The following ANO7 variants were observed in gnomAD, a reference collection of about 807,000 sequenced individuals.
ANO7 encodes anoctamin 7.
A neutral mutation model predicts 115.8 loss-of-function variants in ANO7; 114 were observed. The ratio of observed to expected loss-of-function variants is 0.98; its 90% confidence interval spans 0.85 to 1.15. The LOEUF is 1.15. ANO7 is among the 50% of genes most tolerant of loss of function. ANO7 has a pLI of 0.00. For missense variants in ANO7, 1,302 were observed against 1,201.2 expected (o/e 1.08, Z -1.24); for synonymous variants, 550 against 498.2 (o/e 1.10, Z -1.38).
downstream of ANO7, chr2:241,229,571 G>A: frequency 1.3e-6 from 2 of 1,555,454 alleles, no homozygotes; most frequent in Non-Finnish European, 1.8e-6. Flanking sequence ...TGGGTCAGCA[G>A]GCTGGAGAGG....
At chr2:241,216,441 T>C (rs1482789289) in intron 19 of ANO7, among the ~76,000 whole-genome samples, 1 of 152,220 alleles carries the variant, frequency 6.6e-6, no homozygotes, top group African/African-American at 2.4e-5. Context: ...CCAAGAGGGT[T>C]GGCTGAGGAC....
chr2:241,238,632 G>C, the ANO7 span: 1 of 1,542,756 alleles, frequency 6.5e-7, no homozygotes, highest in Non-Finnish European at 8.8e-7. This position sits in a 1 kb window ranked among gnomAD's most constrained non-coding sequence, Gnocchi z 4.9. Context: ...GCAGAGCAGG[G>C]CTAATGGGGG....
rs188711239 is a variant in ANO7, at chr2:241,222,727, G to T, written c.2322-459G>T. Among the ~76,000 whole-genome samples, 37 of 152,250 alleles carry T rather than the reference G, an allele frequency of 2.4e-4. No individual in the cohort carries two copies. In the East Asian group the frequency reaches 6.6e-3, roughly 27 times the overall value. On this transcript the variant is annotated intron_variant, in intron 21 of 24. Transcript: ENST00000674324. Reference sequence around the variant, plus strand: ...CAGGAAGATGTCAAAGTCTGAAATAGCAAGTGAAGCTGAATGTAGCTTATG... The same window carrying T: ...CAGGAAGATGTCAAAGTCTGAAATATCAAGTGAAGCTGAATGTAGCTTATG...
At chr2:241,211,186 C>T (rs1374961230) in intron 15 of ANO7, among the ~76,000 whole-genome samples, 2 of 152,256 alleles carry the variant, frequency 1.3e-5, no homozygotes, top group Admixed American at 6.5e-5. Flanking sequence ...CTCCACAGGG[C>T]CCCCCTCCAG....
intron 21 of ANO7, among the ~76,000 whole-genome samples, chr2:241,220,973 GA>G (rs932689845): frequency 2.7e-4 from 38 of 143,048 alleles, no homozygotes; most frequent in African/African-American, 7.2e-4. Context: ...GCTGTCTCAG[GA>G]AAAAAAAAAG....
downstream of ANO7, among the ~76,000 whole-genome samples, chr2:241,226,253 C>T (rs948129549): frequency 6.6e-6 from 1 of 151,980 alleles, no homozygotes; most frequent in African/African-American, 2.4e-5. Context: ...TTGCATTTGG[C>T]GTCTGCCGTG....
At chr2:241,219,394 C>A (rs1039344540) in intron 21 of ANO7, among the ~76,000 whole-genome samples, 1 of 152,094 alleles carries the variant, frequency 6.6e-6, no homozygotes, top group Non-Finnish European at 1.5e-5. Context: ...ATAATGGATA[C>A]TTACTTTTTC....
downstream of ANO7, chr2:241,230,030 C>T (rs1420731486): frequency 6.3e-7 from 1 of 1,579,250 alleles, no homozygotes; most frequent in Non-Finnish European, 8.6e-7. This position sits in a 1 kb window ranked among gnomAD's most constrained non-coding sequence, Gnocchi z 5.0. Context: ...CGCCTGCTCA[C>T]CCCTGCACCT....
chr2:241,190,572 T>C (rs183648038), intron 2 of ANO7, among the ~76,000 whole-genome samples: 1,671 of 152,314 alleles, frequency 0.011, 20 homozygotes, highest in Non-Finnish European at 0.018. Context: ...TGTGAGCCTG[T>C]GGGGAGAGGC....
In ANO7 at chr2:241,210,384, C is replaced by T. The variant is rs370162946; in HGVS notation, c.1449C>T (p.Leu483=). Residue 483 remains leucine, a synonymous_variant, in exon 14 of 25, where the codon CTC becomes CTT. Coordinates refer to ENST00000674324, the MANE Select transcript of ANO7 (RefSeq NM_001370694.2). ...TGTCCAGGTCGGGCAACACCCTTCT[C>T]GCAGCCTGGGTGAGCCTCTGCTGCC... ...IVVSRSGNTL[L]AAWASRIASL... is the part of the protein sequence containing the mutation. 7.1e-5 allele frequency: 114 copies of T among 1,614,048 alleles called. 1 individual carries two copies. The highest frequency in any genetic ancestry group is 1.3e-4 in the African/African-American group (10 of 75,076).
At position 241,199,309 on chromosome 2, in the gene ANO7, C is replaced by T. The variant is rs770795225; in HGVS notation, c.310-7C>T. 2.8e-5 allele frequency: 45 copies of T among 1,613,076 alleles called. No homozygotes were observed. Among genetic ancestry groups the T allele is most frequent in the Non-Finnish European group, 3.7e-5 (44 of 1,179,638 alleles). On this transcript the variant is annotated splice_polypyrimidine_tract_variant and splice_region_variant and intron_variant, in intron 4 of 24. Transcript: ENST00000674324. The stretch of plus-strand genomic sequence containing the variant: ...TCAGGCTCTCACGGAGCCCTGGGTG[C>T]CTACAGCAGGACGTCCAGGACGGGA...
At chr2:241,235,032 G>A in the ANO7 span, 1 of 1,498,408 alleles carries the variant, frequency 6.7e-7, no homozygotes, top group East Asian at 2.3e-5. Context: ...CTGGGATGCT[G>A]GGATCCTGAA....
At chr2:241,229,442 G>A (rs1332243009), downstream of ANO7, 20 of 596,186 alleles carry the variant, frequency 3.4e-5, no homozygotes, top group South Asian at 2.7e-4. Flanking sequence ...AGGAGCGGCC[G>A]CACACACAGC....
intron 17 of ANO7, 28 bp downstream of exon 17, chr2:241,212,654 G>T (rs1291986607): frequency 6.2e-7 from 1 of 1,602,328 alleles, no homozygotes; most frequent in South Asian, 1.1e-5. Context: ...CCGGGACTGG[G>T]GGATGAGCTG....
intron 10 of ANO7, among the ~76,000 whole-genome samples, chr2:241,206,208 G>C (rs1300951040): frequency 9.6e-4 from 21 of 21,798 alleles, no homozygotes; most frequent in South Asian, 2.1e-3. Flanking sequence ...GTGCTCCCAG[G>C]CTGACACAGG....
intron 3 of ANO7, 48 bp downstream of exon 3, chr2:241,191,299 TG>T: frequency 6.2e-7 from 1 of 1,607,336 alleles, no homozygotes; most frequent in Non-Finnish European, 8.5e-7. Flanking sequence ...GTCCTGAGGG[TG>T]GGGACACCAC....
chr2:241,225,145 G>C lies in ANO7; in HGVS notation c.*992G>C, dbSNP rs1485556216. 2 of 152,152 alleles carry C rather than the reference G, an allele frequency of 1.3e-5. No individual in the cohort carries two copies. Among genetic ancestry groups the C allele is most frequent in the African/African-American group, 4.8e-5 (2 of 41,402 alleles). The allele number at this position is 152,152 out of a possible 1,614,324, so 9.4% of individuals were successfully genotyped here. On this transcript the variant is annotated 3_prime_UTR_variant, in exon 25 of 25. Transcript: ENST00000674324. ...GCTACCCCGCAGCAATCCCAGTGTG[G>C]CCGTCTGCTTGCTAAAAAATGGATC... is the stretch of plus-strand genomic sequence containing the variant.
chr2:241,233,621 CA>C, the ANO7 span, among the ~76,000 whole-genome samples: 3 of 152,138 alleles, frequency 2.0e-5, no homozygotes, highest in Non-Finnish European at 2.9e-5. The surrounding 1 kb of genome is among the most constrained non-coding windows in gnomAD (Gnocchi z 4.3). Flanking sequence ...CCAGATGATA[CA>C]TAGTGCCAGA....
Position 241,217,872 on chromosome 2 carries a change from AC to A in ANO7, c.2161del (p.Leu721TrpfsTer109). 6.3e-7 allele frequency: 1 copy of A among 1,585,842 alleles called. No homozygotes were observed. ...IWFHILAGLTHLAVISNAFLL... is the reference protein window; with the variant it reads ...IWFHILAGLTXLAVISNAFLL... ...TTCCACATCCTGGCGGGCCTCACGC[AC>A]CTGGCGGTCATCAGCAACGTGAGGC... On this transcript the variant is annotated frameshift_variant, in exon 20 of 25. Coordinates refer to ENST00000674324, the MANE Select transcript of ANO7 (RefSeq NM_001370694.2). LOFTEE classifies it high-confidence loss of function.
Sources: allele counts gnomAD v4.1 joint callset (sites outside exome capture counted in the v4.1 genomes callset), GRCh38; gene constraint gnomAD v4.1.1; non-coding constraint Gnocchi (gnomAD v3.1); transcripts MANE v1.5; gene names NCBI Gene and HGNC (gene_info 2026-07-23, HGNC 2026-07-21).